Variants in GALNT18 observed in about 807,000 individuals in gnomAD.
GALNT18 encodes the protein GalNAc-transferase 18.
GALNT18 carries 44 observed loss-of-function variants against 69.5 expected under a neutral mutation model. The observed-to-expected ratio is 0.63, with a 90% CI of 0.50 to 0.81. The LOEUF is 0.81. Among genes scored for constraint, GALNT18 ranks in the 40% least tolerant of loss-of-function variants. GALNT18 has a pLI of 0.00. For missense variants in GALNT18, 715 were observed against 810.0 expected (o/e 0.88, Z 1.42); for synonymous variants, 364 against 318.2 (o/e 1.14, Z -1.53).
intron 6 of GALNT18, among the ~76,000 whole-genome samples, chr11:11,363,907 A>AGACTGGAAAGACAAATTAACCAACTGAAT (rs1352387245): frequency 6.6e-6 from 1 of 150,914 alleles, no homozygotes; most frequent in African/African-American, 2.5e-5. Context: ...AGTCAAAAGG[A>AGACTGGAAAGACAAATTAACCAACTGAAT]CCCATGGACA....
rs903206309 is a variant in GALNT18, at chr11:11,347,332, C to T, written c.1093-6328G>A. Among the ~76,000 whole-genome samples the T allele has an allele frequency of 6.6e-6, 1 of 152,232 alleles. No homozygotes were observed. Reference sequence around the variant, plus strand: ...AAGCAATGGGATGTAGTTTGATAATCTCTTCTACTCCAAGACTCATGACTG... The same window carrying T: ...AAGCAATGGGATGTAGTTTGATAATTTCTTCTACTCCAAGACTCATGACTG... On this transcript the variant is annotated intron_variant, in intron 6 of 10. Transcript: ENST00000227756. The surrounding 1 kb of genome is among the most constrained non-coding windows in gnomAD (Gnocchi z 4.0).
chr11:11,360,374 T>C (rs1850619009), intron 6 of GALNT18, among the ~76,000 whole-genome samples: 1 of 152,250 alleles, frequency 6.6e-6, no homozygotes, highest in South Asian at 2.1e-4. Flanking sequence ...GAGCAGGTTG[T>C]GCCGTTTAGC....
chr11:11,373,165 G>A (rs1235517571), intron 5 of GALNT18, among the ~76,000 whole-genome samples: 1 of 143,276 alleles, frequency 7.0e-6, no homozygotes, highest in African/African-American at 2.4e-5. Flanking sequence ...AGTGATGTCA[G>A]CAGATCTGTG....
intron 6 of GALNT18, among the ~76,000 whole-genome samples, chr11:11,346,037 G>A (rs998459108): frequency 2.0e-5 from 3 of 152,144 alleles, no homozygotes; most frequent in African/African-American, 7.2e-5. Context: ...ACCTGCTATC[G>A]CACGTCCTGA....
chr11:11,385,247 C>A (rs1031932503), intron 3 of GALNT18, among the ~76,000 whole-genome samples: 2 of 152,062 alleles, frequency 1.3e-5, no homozygotes, highest in Non-Finnish European at 2.9e-5. Context: ...GGATCCACTC[C>A]CATGACTCAA....
At position 11,621,468 on chromosome 11, in the gene GALNT18, C is replaced by A. The variant is rs1428509681; in HGVS notation, c.126G>T (p.Arg42=). The change falls in exon 1 of 11, where the codon CGG becomes CGT. Residue 42 remains arginine (R), a synonymous_variant. Transcript: ENST00000227756. The surrounding 1 kb of genome is among the most constrained non-coding windows in gnomAD (Gnocchi z 9.3). ...TCTTGTCGGGCGCCGGCTCCTGCCC[C>A]CGCACATACACGCTGGCGATGTAGT... ...VTNYIASVYV[R]GQEPAPDKKL... is the part of the protein sequence containing the mutation. 6.2e-7 allele frequency: 1 copy of A among 1,614,180 alleles called. No homozygotes were observed. Among genetic ancestry groups the A allele is most frequent in the Admixed American group, 1.7e-5 (1 of 60,032 alleles).
rs1262860010 is a variant in GALNT18, at chr11:11,387,314, C to T, written c.596-8050G>A. ...ATTTCCCAGCTGCCTTCTGCAGAGGCCACGGCTTTTTGTCCCATTGTGGCC... is the reference window on the plus strand; with the variant it reads ...ATTTCCCAGCTGCCTTCTGCAGAGGTCACGGCTTTTTGTCCCATTGTGGCC... On this transcript the variant is annotated intron_variant, in intron 3 of 10. Coordinates refer to ENST00000227756, the MANE Select transcript of GALNT18 (RefSeq NM_198516.3). This position sits in a 1 kb window ranked among gnomAD's most constrained non-coding sequence, Gnocchi z 4.6. Among the ~76,000 whole-genome samples the T allele has an allele frequency of 1.3e-5, 2 of 152,142 alleles. No individual in the cohort carries two copies. The highest frequency in any genetic ancestry group is 6.5e-5 in the Admixed American group (1 of 15,268).
At chr11:11,565,954 C>T (rs1858640180) in intron 1 of GALNT18, among the ~76,000 whole-genome samples, 2 of 152,162 alleles carry the variant, frequency 1.3e-5, no homozygotes, top group African/African-American at 4.8e-5. Flanking sequence ...AAGGATATGG[C>T]ACCTAAATAC....
At chr11:11,491,707 C>A (rs79331953) in intron 1 of GALNT18, among the ~76,000 whole-genome samples, 3 of 152,166 alleles carry the variant, frequency 2.0e-5, no homozygotes, top group Non-Finnish European at 2.9e-5. Flanking sequence ...CCCTTTCACC[C>A]TGGAATCTGT....
In GALNT18 at chr11:11,337,751, A is replaced by AAAC. The variant is rs1283204243; in HGVS notation, c.1278+3065_1278+3067dup. ...GGATGAACAAGCACCGAGGTGTGAGAAACAGCATGGCATGGACGGTATGTA... is the reference window on the plus strand; with the variant it reads ...GGATGAACAAGCACCGAGGTGTGAGAAACAACAGCATGGCATGGACGGTATGTA... On this transcript the variant is annotated intron_variant, in intron 7 of 10. Transcript: ENST00000227756. This position sits in a 1 kb window ranked among gnomAD's most constrained non-coding sequence, Gnocchi z 4.9. 1.3e-5 allele frequency among the ~76,000 whole-genome samples: 2 copies of AAAC among 152,078 alleles called. No homozygotes were observed. Among genetic ancestry groups the AAAC allele is most frequent in the African/African-American group, 4.8e-5 (2 of 41,404 alleles).
intron 6 of GALNT18, among the ~76,000 whole-genome samples, chr11:11,361,292 A>T (rs530584071): frequency 1.3e-5 from 2 of 152,218 alleles, no homozygotes; most frequent in South Asian, 2.1e-4. Context: ...CTTGGGTTCA[A>T]ATCGCATCTT....
chr11:11,441,677 C>A (rs913897744), intron 2 of GALNT18, among the ~76,000 whole-genome samples: 3 of 152,222 alleles, frequency 2.0e-5, no homozygotes, highest in African/African-American at 7.2e-5. Flanking sequence ...CAGAACCTGG[C>A]ACACAGTAAG....
Position 11,590,920 on chromosome 11 carries a change from C to T in GALNT18, c.235+30439G>A, listed in dbSNP as rs1859341955. 4.6e-5 allele frequency among the ~76,000 whole-genome samples: 7 copies of T among 152,044 alleles called. No homozygotes were observed. In the South Asian group the frequency reaches 1.5e-3, roughly 32 times the overall value. On this transcript the variant is annotated intron_variant, in intron 1 of 10. Transcript: ENST00000227756. The surrounding 1 kb of genome is among the most constrained non-coding windows in gnomAD (Gnocchi z 4.4). Reference sequence around the variant, plus strand: ...ATAATGATGATCAACAACTATGTTACTGGTTTATGTATTTACTATATTATA... The same window carrying T: ...ATAATGATGATCAACAACTATGTTATTGGTTTATGTATTTACTATATTATA...
intron 2 of GALNT18, among the ~76,000 whole-genome samples, chr11:11,448,122 C>T (rs146379406): frequency 6.6e-6 from 1 of 151,996 alleles, no homozygotes; most frequent in Non-Finnish European, 1.5e-5. Flanking sequence ...AGATCTTTCT[C>T]AAAGACTCCA....
chr11:11,556,628 C>T (rs933752350), intron 1 of GALNT18, among the ~76,000 whole-genome samples: 2 of 152,230 alleles, frequency 1.3e-5, no homozygotes, highest in Non-Finnish European at 2.9e-5. Context: ...CAACTGCAAA[C>T]CAAACTTGCA....
In GALNT18 at chr11:11,465,924, G is replaced by A. The variant is rs1482576153; in HGVS notation, c.236-16988C>T. On this transcript the variant is annotated intron_variant, in intron 1 of 10. Coordinates refer to ENST00000227756, the MANE Select transcript of GALNT18 (RefSeq NM_198516.3). The surrounding 1 kb of genome is among the most constrained non-coding windows in gnomAD (Gnocchi z 5.7). Reference sequence around the variant, plus strand: ...AGTGCTCTGCTCAACATAGGGGGTAGGAAGGTCTCCCAGATGTGGATGTGA... The same window carrying A: ...AGTGCTCTGCTCAACATAGGGGGTAAGAAGGTCTCCCAGATGTGGATGTGA... Among the ~76,000 whole-genome samples the A allele has an allele frequency of 2.0e-5, 3 of 152,166 alleles. No homozygotes were observed. Among genetic ancestry groups the A allele is most frequent in the Non-Finnish European group, 4.4e-5 (3 of 68,034 alleles).
At position 11,617,123 on chromosome 11, in the gene GALNT18, T is replaced by C. The variant is rs1043930989; in HGVS notation, c.235+4236A>G. ...GATGAACAGGACGCCAATTGGCAGA[T>C]GCATCCCAAAGACAGAACTTTGGCC... On this transcript the variant is annotated intron_variant, in intron 1 of 10. Coordinates refer to ENST00000227756, the MANE Select transcript of GALNT18 (RefSeq NM_198516.3). The surrounding 1 kb of genome is among the most constrained non-coding windows in gnomAD (Gnocchi z 4.7). Among the ~76,000 whole-genome samples, 1 of 152,354 alleles carries C rather than the reference T, an allele frequency of 6.6e-6. No individual in the cohort carries two copies. Among genetic ancestry groups the C allele is most frequent in the African/African-American group, 2.4e-5 (1 of 41,584 alleles).
chr11:11,474,206 C>G (rs1856337863), intron 1 of GALNT18, among the ~76,000 whole-genome samples: 1 of 152,138 alleles, frequency 6.6e-6, no homozygotes, highest in Non-Finnish European at 1.5e-5. Context: ...ATAGAGTGGT[C>G]AACACAGGTC....
chr11:11,312,276 C>T (rs1849685740), intron 9 of GALNT18, among the ~76,000 whole-genome samples: 1 of 152,212 alleles, frequency 6.6e-6, no homozygotes, highest in African/African-American at 2.4e-5. Context: ...TCCCCCAAAA[C>T]TTAACTGCTA....
Sources: allele counts gnomAD v4.1 joint callset (sites outside exome capture counted in the v4.1 genomes callset), GRCh38; gene constraint gnomAD v4.1.1; non-coding constraint Gnocchi (gnomAD v3.1); transcripts MANE v1.5; gene names NCBI Gene and HGNC (gene_info 2026-07-23, HGNC 2026-07-21).